The following COLGALT2 variants were observed in gnomAD, a reference collection of about 807,000 sequenced individuals.
COLGALT2 encodes collagen beta(1-O)galactosyltransferase 2.
A neutral mutation model predicts 73.4 loss-of-function variants in COLGALT2; 49 were observed. The ratio of observed to expected loss-of-function variants is 0.67; its 90% CI spans 0.53 to 0.85. The LOEUF is 0.85. COLGALT2 is among the 40% of genes least tolerant of loss of function. The pLI is 0.00. For synonymous variants in COLGALT2, 295 were observed against 307.6 expected, an observed-to-expected ratio of 0.96 and a Z score of 0.43; for missense variants, 722 against 790.2, an observed-to-expected ratio of 0.91 and a Z score of 1.03.
intron 7 of COLGALT2, among the ~76,000 whole-genome samples, chr1:183,954,274 G>T (rs1572635407): frequency 1.3e-5 from 2 of 151,418 alleles, no homozygotes; most frequent in South Asian, 4.2e-4. Context: ...GAACAAATAT[G>T]TTTTTTTTTC....
intron 1 of COLGALT2, among the ~76,000 whole-genome samples, chr1:184,029,277 G>A (rs1187820481): frequency 6.6e-6 from 1 of 152,148 alleles, no homozygotes; most frequent in Non-Finnish European, 1.5e-5. Context: ...TCCTACCAGA[G>A]GAGTAGAGAG....
intron 1 of COLGALT2, among the ~76,000 whole-genome samples, chr1:184,005,756 C>A (rs571438148): frequency 3.3e-5 from 5 of 152,220 alleles, no homozygotes; most frequent in African/African-American, 1.2e-4. Context: ...AGCCCTGGTG[C>A]GAATCATGAG....
chr1:183,974,144 T>C (rs1045198189), intron 3 of COLGALT2, among the ~76,000 whole-genome samples: 13 of 152,250 alleles, frequency 8.5e-5, no homozygotes, highest in African/African-American at 3.1e-4. Context: ...TTAGCTTTTC[T>C]ATAGTAATGC....
chr1:183,962,562 T>C (rs1255679361), intron 6 of COLGALT2, among the ~76,000 whole-genome samples: 1 of 152,162 alleles, frequency 6.6e-6, no homozygotes, highest in East Asian at 1.9e-4. Flanking sequence ...GAGTTTTCTC[T>C]ATGCCTCCCT....
At chr1:183,996,267 A>C (rs1467990145) in intron 1 of COLGALT2, among the ~76,000 whole-genome samples, 1 of 152,192 alleles carries the variant, frequency 6.6e-6, no homozygotes, top group Non-Finnish European at 1.5e-5. Flanking sequence ...TGATCCCTTC[A>C]GGCTAACAGA....
intron 1 of COLGALT2, among the ~76,000 whole-genome samples, chr1:184,006,182 C>A (rs1286881939): frequency 2.6e-5 from 4 of 152,188 alleles, no homozygotes; most frequent in Non-Finnish European, 4.4e-5. Context: ...ATATGTTGAA[C>A]ATTTAACTTG....
intron 1 of COLGALT2, among the ~76,000 whole-genome samples, chr1:184,003,821 A>G (rs1572670224): frequency 2.0e-5 from 3 of 152,336 alleles, no homozygotes; most frequent in Admixed American, 2.0e-4. Context: ...CTAGGAAACT[A>G]TGATGCCAGA....
chr1:183,977,948 C>A (rs1378034262), intron 2 of COLGALT2, among the ~76,000 whole-genome samples: 1 of 151,732 alleles, frequency 6.6e-6, no homozygotes, highest in Non-Finnish European at 1.5e-5. Context: ...AGTAGGGGAT[C>A]AATTAAATAA....
At chr1:183,957,295 G>C (rs770849667) in intron 6 of COLGALT2, among the ~76,000 whole-genome samples, 9 of 152,176 alleles carry the variant, frequency 5.9e-5, no homozygotes, top group Non-Finnish European at 8.8e-5. Context: ...AGATCACAGA[G>C]CTGATAGAGC....
At chr1:183,971,148 T>C (rs1209882198) in intron 4 of COLGALT2, among the ~76,000 whole-genome samples, 1 of 152,174 alleles carries the variant, frequency 6.6e-6, no homozygotes, top group Non-Finnish European at 1.5e-5. Context: ...CCACATAAAT[T>C]GAATCTTGTT....
intron 1 of COLGALT2, among the ~76,000 whole-genome samples, chr1:183,994,240 G>A (rs1244654822): frequency 3.3e-5 from 5 of 151,454 alleles, no homozygotes; most frequent in Non-Finnish European, 5.9e-5. Flanking sequence ...GGGTTTCACC[G>A]TGTGAGCCAG....
In COLGALT2 at chr1:183,940,796, A is replaced by G. The variant is rs1172037394; in HGVS notation, c.1398-9T>C. 6.2e-7 allele frequency: 1 copy of G among 1,612,946 alleles called. No homozygotes were observed. The highest frequency in any genetic ancestry group is 2.2e-5 in the East Asian group (1 of 44,874). On this transcript the variant is annotated splice_polypyrimidine_tract_variant and intron_variant, in intron 10 of 11. Coordinates refer to ENST00000361927, the MANE Select transcript of COLGALT2 (RefSeq NM_015101.4). ...TCTTCCTACCAATATAACTGTAAGG[A>G]AATGGCAGAGGAGAAAAATTCCACC...
chr1:183,958,919 C>G (rs1361679977), intron 6 of COLGALT2, among the ~76,000 whole-genome samples: 4 of 151,802 alleles, frequency 2.6e-5, no homozygotes, highest in Non-Finnish European at 2.9e-5. Flanking sequence ...CCTCTTACCC[C>G]CAACAGCCTC....
intron 2 of COLGALT2, among the ~76,000 whole-genome samples, chr1:183,976,352 T>TGATAA (rs1553316803): frequency 2.0e-5 from 3 of 148,168 alleles, no homozygotes; most frequent in African/African-American, 7.4e-5. Context: ...TATGTATATA[T>TGATAA]TATATCATAT....
At chr1:183,982,411 A>G (rs774444181) in intron 1 of COLGALT2, among the ~76,000 whole-genome samples, 11 of 152,212 alleles carry the variant, frequency 7.2e-5, no homozygotes, top group Non-Finnish European at 1.5e-4. Context: ...CGTCCAGGGT[A>G]CGCCATGAAG....
intron 1 of COLGALT2, among the ~76,000 whole-genome samples, chr1:184,004,367 TAGGAGGTAA>T (rs1250789066): frequency 6.6e-6 from 1 of 152,264 alleles, no homozygotes; most frequent in East Asian, 1.9e-4. Flanking sequence ...ATAGAAAAAG[TAGGAGGTAA>T]ACAGTAACAC....
chr1:183,994,697 C>T (rs752754342), intron 1 of COLGALT2, among the ~76,000 whole-genome samples: 13 of 152,248 alleles, frequency 8.5e-5, no homozygotes, highest in Non-Finnish European at 1.5e-4. Context: ...TCAGGTAATC[C>T]GCCCGCCTTG....
chr1:183,930,235 T>C, exon 12 of COLGALT2: 1 of 456,190 alleles, frequency 2.2e-6, no homozygotes, highest in Non-Finnish European at 4.4e-6. Context: ...TTGTTCACCG[T>C]TGGCAGTCAT....
Position 183,938,760 on chromosome 1 carries a change from TTCATAGC to T in COLGALT2, c.1875_1881del (p.Leu626GlyfsTer44), listed in dbSNP as rs774336996. 1 of 1,613,980 alleles carries T rather than the reference TTCATAGC, an allele frequency of 6.2e-7. No homozygotes were observed. The highest frequency in any genetic ancestry group is 8.5e-7 in the Non-Finnish European group (1 of 1,179,950). ...ATGTGGGCCACACTCCCAGGGAGCC[TTCATAGC>T]TCATCCCTTGAAGGCACAGTGTCCA... is the stretch of plus-strand genomic sequence containing the variant. On this transcript the variant is annotated frameshift_variant and stop_lost, in exon 12 of 12. Coordinates refer to ENST00000361927, the MANE Select transcript of COLGALT2 (RefSeq NM_015101.4). LOFTEE classifies it high-confidence loss of function.
Sources: allele counts gnomAD v4.1 joint callset (sites outside exome capture counted in the v4.1 genomes callset), GRCh38; gene constraint gnomAD v4.1.1; transcripts MANE v1.5; gene names NCBI Gene and HGNC (gene_info 2026-07-23, HGNC 2026-07-21).